RGS7: variants seen among roughly 807,000 people sequenced by gnomAD.
RGS7 encodes regulator of G protein signaling 7.
Under a neutral mutation model 81.1 loss-of-function variants are expected in RGS7, and 27 were observed. That is an observed-to-expected ratio of 0.33 (90% CI 0.25 to 0.46). The LOEUF is 0.46. RGS7 is among the 20% of genes least tolerant of loss of function. The probability of loss-of-function intolerance (pLI) is 1.00; values close to 1 mark genes in which losing one functional copy is unlikely to be tolerated. For synonymous variants in RGS7, 208 were observed against 207.7 expected (o/e 1.00, Z -0.01); for missense variants, 396 against 607.4 (o/e 0.65, Z 3.66).
chr1:241,041,575 G>A (rs150411391), intron 3 of RGS7, among the ~76,000 whole-genome samples: 97 of 152,198 alleles, frequency 6.4e-4, no homozygotes, highest in African/African-American at 2.3e-3. Context: ...CTGTCTAGTG[G>A]CAAAGGTGCC....
intron 2 of RGS7, among the ~76,000 whole-genome samples, chr1:241,223,611 T>A (rs2075138611): frequency 6.6e-6 from 1 of 151,614 alleles, no homozygotes; most frequent in Admixed American, 6.6e-5. Flanking sequence ...GAGAACATAA[T>A]AGCGCATTCA....
chr1:240,959,439 A>C (rs1233641797), intron 4 of RGS7, among the ~76,000 whole-genome samples: 1 of 152,210 alleles, frequency 6.6e-6, no homozygotes, highest in Non-Finnish European at 1.5e-5. Context: ...CGAATACTGT[A>C]GGCAACTGTA....
At chr1:240,872,549 T>A (rs1030524040) in intron 6 of RGS7, among the ~76,000 whole-genome samples, 1 of 152,242 alleles carries the variant, frequency 6.6e-6, no homozygotes, top group African/African-American at 2.4e-5. Context: ...CTGTTGAAGA[T>A]ACAGCAAATA....
At chr1:241,072,173 T>C (rs1301844804) in intron 3 of RGS7, among the ~76,000 whole-genome samples, 1 of 152,064 alleles carries the variant, frequency 6.6e-6, no homozygotes, top group Non-Finnish European at 1.5e-5. Flanking sequence ...AAAGCTACAT[T>C]TTTCATTAAA....
At chr1:241,316,442 A>C (rs553188975) in intron 2 of RGS7, among the ~76,000 whole-genome samples, 2 of 152,178 alleles carry the variant, frequency 1.3e-5, no homozygotes, top group Non-Finnish European at 2.9e-5. Flanking sequence ...CTGAAGCTAC[A>C]TAGGGTAGCC....
rs533511485 is a variant in RGS7 at position 241,018,815 on chromosome 1, T to C, written c.176-35686A>G. On this transcript the variant is annotated intron_variant, in intron 3 of 18. Transcript: ENST00000440928. ...TCATCGCTTCAGTGTTCTCAATCCA[T>C]TTCCTGGATGTCATATACCCTGATA... Among the ~76,000 whole-genome samples, 3 of 152,270 alleles carry C rather than the reference T, an allele frequency of 2.0e-5. No homozygotes were observed. In the South Asian group the frequency reaches 6.2e-4, roughly 32 times the overall value.
intron 6 of RGS7, among the ~76,000 whole-genome samples, chr1:240,889,055 A>G: frequency 6.6e-6 from 1 of 152,130 alleles, no homozygotes; most frequent in East Asian, 1.9e-4. Flanking sequence ...TCCCGGGTTC[A>G]AGCGATTCTC....
intron 6 of RGS7, among the ~76,000 whole-genome samples, chr1:240,917,860 A>G (rs1672852826): frequency 6.6e-6 from 1 of 152,200 alleles, no homozygotes; most frequent in Non-Finnish European, 1.5e-5. Flanking sequence ...TATTCTGTTT[A>G]GAAGAAACTT....
At chr1:240,777,821 C>T (rs1273740925) in intron 18 of RGS7, among the ~76,000 whole-genome samples, 2 of 152,080 alleles carry the variant, frequency 1.3e-5, no homozygotes, top group Non-Finnish European at 2.9e-5. Flanking sequence ...ATCTAATGAC[C>T]TTCCAAAGGC....
chr1:241,281,046 A>T (rs906404104), intron 2 of RGS7, among the ~76,000 whole-genome samples: 3 of 152,124 alleles, frequency 2.0e-5, no homozygotes, highest in Non-Finnish European at 4.4e-5. Flanking sequence ...ATAGTCTAGA[A>T]ATATAAAAAA....
intron 6 of RGS7, among the ~76,000 whole-genome samples, chr1:240,897,260 G>A (rs1669244969): frequency 6.6e-6 from 1 of 152,082 alleles, no homozygotes; most frequent in Non-Finnish European, 1.5e-5. Flanking sequence ...TTTCCTAATT[G>A]AATATCCTTT....
intron 3 of RGS7, among the ~76,000 whole-genome samples, chr1:240,996,324 T>C (rs1173726086): frequency 2.0e-5 from 3 of 152,198 alleles, no homozygotes; most frequent in Non-Finnish European, 2.9e-5. Context: ...GATCATGTTG[T>C]TCAGGTCATC....
intron 3 of RGS7, among the ~76,000 whole-genome samples, chr1:241,057,294 T>C (rs2061521924): frequency 6.6e-6 from 1 of 152,138 alleles, no homozygotes; most frequent in Non-Finnish European, 1.5e-5. Context: ...CCAGCTGAAA[T>C]ATTTGGATAA....
chr1:241,356,017 A>G (rs6677041), intron 1 of RGS7, among the ~76,000 whole-genome samples, 191 bp from the exon 2 acceptor site: 128,397 of 152,202 alleles, frequency 0.84, 54,458 homozygotes, highest in East Asian at 0.94. Flanking sequence ...GTAAGAAATT[A>G]CAATCTTCCA....
At chr1:241,063,425 C>T (rs1389782064) in intron 3 of RGS7, among the ~76,000 whole-genome samples, 1 of 152,138 alleles carries the variant, frequency 6.6e-6, no homozygotes, top group African/African-American at 2.4e-5. Flanking sequence ...GCCTATCAAC[C>T]GTCAGAAGTG....
rs556694135 is a variant in RGS7, at chr1:240,797,244, G to GTGT, written c.*6+3394_*6+3396dup. Among the ~76,000 whole-genome samples the GTGT allele has an allele frequency of 4.0e-3, 608 of 152,324 alleles. 6 individuals are homozygous for GTGT. The highest frequency in any genetic ancestry group is 0.013 in the African/African-American group (541 of 41,584). The stretch of plus-strand genomic sequence containing the variant: ...ACTTGATTATGAATCTTGATTGAAG[G>GTGT]TGTGGCTGATCAGTCATCCTACCCT... On this transcript the variant is annotated intron_variant, in intron 18 of 18. Coordinates refer to ENST00000440928, the MANE Select transcript of RGS7 (RefSeq NM_001364886.1).
intron 2 of RGS7, among the ~76,000 whole-genome samples, chr1:241,337,371 A>C (rs2082302180): frequency 6.6e-6 from 1 of 152,130 alleles, no homozygotes; most frequent in Non-Finnish European, 1.5e-5. Flanking sequence ...GTTCTACCAG[A>C]GTATATTGCT....
chr1:241,304,444 G>C (rs1233620747), intron 2 of RGS7, among the ~76,000 whole-genome samples: 1 of 152,226 alleles, frequency 6.6e-6, no homozygotes, highest in Non-Finnish European at 1.5e-5. Context: ...GCAGTTGTGA[G>C]TGTACTGGAG....
intron 2 of RGS7, among the ~76,000 whole-genome samples, chr1:241,230,899 G>A (rs1229308690): frequency 6.6e-6 from 1 of 152,112 alleles, no homozygotes; most frequent in Non-Finnish European, 1.5e-5. Context: ...CTACTGAGAG[G>A]GACATTGTAG....
Sources: allele counts gnomAD v4.1 joint callset (sites outside exome capture counted in the v4.1 genomes callset), GRCh38; gene constraint gnomAD v4.1.1; transcripts MANE v1.5; gene names NCBI Gene and HGNC (gene_info 2026-07-23, HGNC 2026-07-21).